Variants in MAP4K1 observed in about 807,000 individuals in gnomAD.
The protein encoded by MAP4K1 is mitogen-activated protein kinase kinase kinase kinase 1.
MAP4K1 carries 35 observed loss-of-function variants against 122.8 expected under a neutral mutation model. The observed-to-expected ratio is 0.29, with a 90% CI of 0.22 to 0.38. MAP4K1 has a LOEUF of 0.38. MAP4K1 is among the 10% of genes least tolerant of loss of function. The probability of loss-of-function intolerance (pLI) is 1.00; values close to 1 mark genes in which losing one functional copy is unlikely to be tolerated. For missense variants in MAP4K1, 791 were observed against 1,072.6 expected (o/e 0.74, Z 3.67); for synonymous variants, 412 against 421.3 (o/e 0.98, Z 0.27).
At position 38,597,024 on chromosome 19, in the gene MAP4K1, A is replaced by G. The variant is rs776595575; in HGVS notation, c.1941+10T>C. 2 of 1,613,788 alleles carry G rather than the reference A, an allele frequency of 1.2e-6. No homozygotes were observed. Among genetic ancestry groups the G allele is most frequent in the Non-Finnish European group, 1.7e-6 (2 of 1,179,680 alleles). ...CCTCAGAGTTCCCAGCACCCTCCCAAGCCCCTTACCCGGACAAGCAGGAAT... is the reference window on the plus strand; with the variant it reads ...CCTCAGAGTTCCCAGCACCCTCCCAGGCCCCTTACCCGGACAAGCAGGAAT... On this transcript the variant is annotated intron_variant, in intron 25 of 30. Coordinates refer to ENST00000396857, the MANE Select transcript of MAP4K1 (RefSeq NM_001042600.3). This position sits in a 1 kb window ranked among gnomAD's most constrained non-coding sequence, Gnocchi z 4.6.
In MAP4K1 at chr19:38,608,078, C is replaced by CGGT. The variant is rs768328094; in HGVS notation, c.1065+31_1065+33dup. On this transcript the variant is annotated intron_variant, in intron 14 of 30. Transcript: ENST00000396857. ...TCAGCAGTGGCCTCAGGGAAGCAGGCGGTGTGGTGGGGAGTGGGGGGACAG... is the reference window on the plus strand; with the variant it reads ...TCAGCAGTGGCCTCAGGGAAGCAGGCGGTGGTGTGGTGGGGAGTGGGGGGACAG... The CGGT allele has an allele frequency of 1.6e-5, 25 of 1,562,812 alleles. No homozygotes were observed. In the Admixed American group the frequency reaches 4.7e-4, roughly 29 times the overall value.
chr19:38,605,741 G>T lies in MAP4K1; in HGVS notation c.1201-11C>A. On this transcript the variant is annotated splice_polypyrimidine_tract_variant and intron_variant, in intron 17 of 30. Coordinates refer to ENST00000396857, the MANE Select transcript of MAP4K1 (RefSeq NM_001042600.3). ...AGAACGGAACTTGGGCTTTGGAGACGGGAATGGAGCGTGGGGAAATACATC... is the reference window on the plus strand; with the variant it reads ...AGAACGGAACTTGGGCTTTGGAGACTGGAATGGAGCGTGGGGAAATACATC... The T allele has an allele frequency of 6.2e-7, 1 of 1,601,352 alleles. No homozygotes were observed. Among genetic ancestry groups the T allele is most frequent in the East Asian group, 2.2e-5 (1 of 44,660 alleles).
In MAP4K1 at chr19:38,617,260, AG is replaced by A; in HGVS notation, c.248+93del. 1.2e-6 allele frequency: 1 copy of A among 848,750 alleles called. No homozygotes were observed. Among genetic ancestry groups the A allele is most frequent in the East Asian group, 2.4e-5 (1 of 41,252 alleles). The allele number at this position is 848,750 out of a possible 1,614,324, so 52.6% of individuals were successfully genotyped here. Reference sequence around the variant, plus strand: ...CTCCATCTCAAAAAAGAAAAAGAAAAGAAAAAAAAAGAACTGAGGGTACCCC... The same window carrying A: ...CTCCATCTCAAAAAAGAAAAAGAAAAAAAAAAAAAGAACTGAGGGTACCCC... On this transcript the variant is annotated intron_variant, in intron 3 of 30. Coordinates refer to ENST00000396857, the MANE Select transcript of MAP4K1 (RefSeq NM_001042600.3). This position sits in a 1 kb window ranked among gnomAD's most constrained non-coding sequence, Gnocchi z 4.1.
At chr19:38,605,086 TAAA>T (rs762922462) in intron 19 of MAP4K1, among the ~76,000 whole-genome samples, 10 of 124,706 alleles carry the variant, frequency 8.0e-5, no homozygotes, top group Admixed American at 1.6e-4. Flanking sequence ...ACTCCGTCTT[TAAA>T]AAAAAAAAAA....
intron 9 of MAP4K1, among the ~76,000 whole-genome samples, chr19:38,612,276 C>T (rs562253887): frequency 1.3e-4 from 19 of 150,008 alleles, no homozygotes; most frequent in East Asian, 2.0e-4. Context: ...AAAAATTAGC[C>T]GGGCGTGGTG....
intron 19 of MAP4K1, among the ~76,000 whole-genome samples, chr19:38,605,086 T>TAA (rs762922462): frequency 3.2e-5 from 4 of 124,716 alleles, no homozygotes; most frequent in African/African-American, 3.0e-5. Context: ...ACTCCGTCTT[T>TAA]AAAAAAAAAA....
intron 4 of MAP4K1, 122 bp downstream of exon 4, chr19:38,616,073 A>G: frequency 1.5e-6 from 1 of 681,348 alleles, no homozygotes. Flanking sequence ...GGAGTTTGAA[A>G]TATGGCCCAG....
chr19:38,609,280 G>A (rs1024538864), intron 13 of MAP4K1, among the ~76,000 whole-genome samples: 10 of 151,986 alleles, frequency 6.6e-5, no homozygotes, highest in South Asian at 6.2e-4. Context: ...GACTACAGGC[G>A]TGCACTACCA....
chr19:38,610,079 C>A (rs1975451774), intron 11 of MAP4K1, 54 bp from the exon 12 acceptor site: 3 of 1,291,274 alleles, frequency 2.3e-6, no homozygotes, highest in Middle Eastern at 1.8e-4. Context: ...ACAGAGAGGG[C>A]TGGTGTGGAC....
At chr19:38,604,655 T>A (rs1227296069) in intron 19 of MAP4K1, among the ~76,000 whole-genome samples, 4 of 151,390 alleles carry the variant, frequency 2.6e-5, no homozygotes, top group Non-Finnish European at 5.9e-5. Context: ...CCGGGCCTGG[T>A]GGCGGGCACC....
At chr19:38,601,329 T>A (rs1042828587) in intron 20 of MAP4K1, 112 bp downstream of exon 20, 2 of 926,060 alleles carry the variant, frequency 2.2e-6, no homozygotes, top group Admixed American at 2.4e-5. Flanking sequence ...ACACCCCAAC[T>A]CCATTAAGCT....
In MAP4K1 at chr19:38,595,553, T is replaced by C; in HGVS notation, c.2272A>G (p.Met758Val). 1.9e-6 allele frequency: 3 copies of C among 1,613,968 alleles called. No homozygotes were observed. Among genetic ancestry groups the C allele is most frequent in the Non-Finnish European group, 2.5e-6 (3 of 1,179,962 alleles). ...AAGGCCTGAAGCTGACCTCCAACCA[T>C]AGCTGGGGAGAAAGCAATGCCCGTT... is the stretch of plus-strand genomic sequence containing the variant. ...PMTEAVEAVA[M>V]VGGQLQAFWK... The change falls in exon 29 of 31, where the codon ATG (methionine) becomes GTG (valine). Residue 758 changes from methionine (M) to valine (V), a missense_variant and splice_region_variant. Coordinates refer to ENST00000396857, the MANE Select transcript of MAP4K1 (RefSeq NM_001042600.3).
chr19:38,608,236 G>C, intron 13 of MAP4K1, 66 bp from the exon 14 acceptor site: 2 of 705,434 alleles, frequency 2.8e-6, no homozygotes, highest in Non-Finnish European at 4.6e-6. Context: ...ATGGGTTTAA[G>C]AACAGAAAGA....
intron 3 of MAP4K1, among the ~76,000 whole-genome samples, chr19:38,616,673 T>C (rs1161909471): frequency 6.6e-6 from 1 of 152,122 alleles, no homozygotes; most frequent in African/African-American, 2.4e-5. Context: ...TAGGAGTTTA[T>C]ATTAAAGGAG....
At chr19:38,605,134 C>A (rs1055220940) in intron 19 of MAP4K1, among the ~76,000 whole-genome samples, 16 of 151,668 alleles carry the variant, frequency 1.1e-4, no homozygotes, top group Non-Finnish European at 2.1e-4. Context: ...CTCAGCCTGC[C>A]TCCTCAAAGG....
At chr19:38,588,650 G>C (rs951919342) in intron 30 of MAP4K1, among the ~76,000 whole-genome samples, 1 of 152,072 alleles carries the variant, frequency 6.6e-6, no homozygotes, top group Admixed American at 6.6e-5. Flanking sequence ...TACTCGGGAG[G>C]CTGAGGCAGG....
chr19:38,616,377 T>TC (rs2087509755), intron 3 of MAP4K1, 118 bp from the exon 4 acceptor site: 1 of 652,678 alleles, frequency 1.5e-6, no homozygotes, highest in South Asian at 2.2e-5. Flanking sequence ...GTAACAGCTC[T>TC]CATCACTCCA....
At chr19:38,612,928 A>G (rs1410311564) in intron 8 of MAP4K1, among the ~76,000 whole-genome samples, 186 bp from the exon 9 acceptor site, 4 of 152,214 alleles carry the variant, frequency 2.6e-5, no homozygotes, top group Non-Finnish European at 5.9e-5. Flanking sequence ...GCGATGGCTC[A>G]CGCCTGTAAT....
At chr19:38,602,731 T>G (rs991749058) in intron 19 of MAP4K1, among the ~76,000 whole-genome samples, 16 of 149,184 alleles carry the variant, frequency 1.1e-4, no homozygotes, top group Non-Finnish European at 1.9e-4. Context: ...CACATATACA[T>G]GTATACATAT....
Sources: allele counts gnomAD v4.1 joint callset (sites outside exome capture counted in the v4.1 genomes callset), GRCh38; gene constraint gnomAD v4.1.1; non-coding constraint Gnocchi (gnomAD v3.1); transcripts MANE v1.5; gene names NCBI Gene and HGNC (gene_info 2026-07-23, HGNC 2026-07-21).